Variants in ERGIC1 observed in about 807,000 individuals in gnomAD.
ERGIC1 encodes the protein endoplasmic reticulum-golgi intermediate compartment 1.
ERGIC1 carries 19 observed loss-of-function variants against 38.3 expected under a neutral mutation model. The observed-to-expected ratio is 0.50, with a 90% CI of 0.35 to 0.73. The LOEUF (loss-of-function observed/expected upper bound fraction) is 0.73. Among genes scored for constraint, ERGIC1 ranks in the 30% least tolerant of loss-of-function variants. ERGIC1 has a pLI of 0.01. For synonymous variants in ERGIC1, 124 were observed against 157.6 expected (o/e 0.79, Z 1.60); for missense variants, 294 against 389.2 (o/e 0.76, Z 2.06).
chr5:172,904,146 CTTTCT>C (rs1237798336), intron 3 of ERGIC1, among the ~76,000 whole-genome samples: 2 of 152,010 alleles, frequency 1.3e-5, no homozygotes, highest in African/African-American at 2.4e-5. Flanking sequence ...CCTTCCTTTC[CTTTCT>C]TATTTTCTTA....
chr5:172,914,532 C>T (rs767368544), intron 4 of ERGIC1, 182 bp from the exon 5 acceptor site: 5 of 982,974 alleles, frequency 5.1e-6, no homozygotes, highest in South Asian at 2.8e-5. Flanking sequence ...CCTCGCCTCA[C>T]GTTTAGCGGA....
chr5:172,855,771 G>A (rs1291276111), intron 1 of ERGIC1, among the ~76,000 whole-genome samples: 2 of 152,186 alleles, frequency 1.3e-5, no homozygotes, highest in African/African-American at 4.8e-5. Flanking sequence ...TGAGGAGTGT[G>A]CCCTGTCCTC....
At chr5:172,950,521 C>G (rs530330744) in intron 9 of ERGIC1, among the ~76,000 whole-genome samples, 188 bp from the exon 10 acceptor site, 35 of 152,350 alleles carry the variant, frequency 2.3e-4, no homozygotes, top group African/African-American at 7.9e-4. Flanking sequence ...AATCCACCAT[C>G]CAACAACTGG....
chr5:172,900,198 C>T (rs1290649292), intron 3 of ERGIC1, among the ~76,000 whole-genome samples: 1 of 152,186 alleles, frequency 6.6e-6, no homozygotes, highest in African/African-American at 2.4e-5. Flanking sequence ...GCCCCACCCG[C>T]AGAATGCCCG....
At chr5:172,894,753 C>T (rs1052845088) in intron 2 of ERGIC1, among the ~76,000 whole-genome samples, 6 of 152,232 alleles carry the variant, frequency 3.9e-5, no homozygotes, top group South Asian at 2.1e-4. Context: ...ACATGGGCAC[C>T]GCCCCCCTCA....
intron 1 of ERGIC1, among the ~76,000 whole-genome samples, chr5:172,851,881 T>C (rs538629142): frequency 6.6e-6 from 1 of 152,202 alleles, no homozygotes; most frequent in African/African-American, 2.4e-5. Context: ...TAATGCGTTG[T>C]TAGTAAGCAC....
At position 172,952,303 on chromosome 5, in the gene ERGIC1, A is replaced by C. The variant is rs962197830; in HGVS notation, c.*1487A>C. 5.9e-5 allele frequency: 9 copies of C among 151,938 alleles called. No individual in the cohort carries two copies. Among genetic ancestry groups the C allele is most frequent in the Admixed American group, 1.3e-4 (2 of 15,266 alleles). The allele number at this position is 151,938 out of a possible 1,614,324, so 9.4% of individuals were successfully genotyped here. A position where few individuals can be genotyped will look rare whatever the true frequency, so the allele number is the denominator to read the frequency against. On this transcript the variant is annotated 3_prime_UTR_variant, in exon 10 of 10. Transcript: ENST00000393784. ...CGATTGGAGACGCTTCTCCTTGTGC[A>C]TGTGAGTTGACTGATGTTGTGAGTG...
intron 2 of ERGIC1, among the ~76,000 whole-genome samples, chr5:172,892,398 C>G (rs1246022683): frequency 6.6e-6 from 1 of 152,180 alleles, no homozygotes; most frequent in African/African-American, 2.4e-5. Context: ...CTATTAATAA[C>G]TGAAGGAAAG....
intron 9 of ERGIC1, chr5:172,936,505 G>A (rs769397229): frequency 3.3e-5 from 5 of 152,332 alleles, no homozygotes; most frequent in Admixed American, 2.6e-4. Context: ...GAGGAATGAG[G>A]TTTCTCAAGA....
intron 1 of ERGIC1, among the ~76,000 whole-genome samples, chr5:172,872,255 T>A (rs1762033772): frequency 6.6e-6 from 1 of 152,166 alleles, no homozygotes; most frequent in African/African-American, 2.4e-5. Flanking sequence ...TGAGTCACTG[T>A]CTCTACACAG....
intron 2 of ERGIC1, among the ~76,000 whole-genome samples, chr5:172,890,541 G>C (rs78502587): frequency 0.013 from 1,909 of 152,314 alleles, 45 homozygotes; most frequent in African/African-American, 0.043. Flanking sequence ...GGAACTGTCT[G>C]TACTACCTTT....
Position 172,951,035 on chromosome 5 carries a change from CT to C in ERGIC1, c.*222del, listed in dbSNP as rs1764219245. The C allele has an allele frequency of 2.1e-6, 1 of 480,884 alleles. No individual in the cohort carries two copies. Among genetic ancestry groups the C allele is most frequent in the East Asian group, 3.6e-5 (1 of 27,624 alleles). The allele number at this position is 480,884 out of a possible 1,614,324, so 29.8% of individuals were successfully genotyped here. A position where few individuals can be genotyped will look rare whatever the true frequency, so the allele number is the denominator to read the frequency against. On this transcript the variant is annotated 3_prime_UTR_variant, in exon 10 of 10. Transcript: ENST00000393784. The stretch of plus-strand genomic sequence containing the variant: ...TACACTGCCTGAAGTTGCAGTTCCC[CT>C]TTCCCTGGGGAGCCCCAAGAACAGA...
intron 1 of ERGIC1, among the ~76,000 whole-genome samples, chr5:172,848,973 C>T (rs1434366942): frequency 1.3e-5 from 2 of 152,220 alleles, no homozygotes; most frequent in Admixed American, 1.3e-4. Context: ...CACCACGTGC[C>T]AGCTCCCCTT....
Position 172,834,343 on chromosome 5 carries a change from C to A in ERGIC1, c.-71C>A. On this transcript the variant is annotated 5_prime_UTR_variant, in exon 1 of 10. Transcript: ENST00000393784. The surrounding 1 kb of genome is among the most constrained non-coding windows in gnomAD (Gnocchi z 4.1). The stretch of plus-strand genomic sequence containing the variant: ...GCGGGGCGGCCGGAGGAGGCGTTGG[C>A]AGCGGGCTCGGACCCACGCGGCGCC... The A allele has an allele frequency of 1.5e-5, 18 of 1,205,780 alleles. No individual in the cohort carries two copies. The highest frequency in any genetic ancestry group is 1.8e-5 in the Non-Finnish European group (17 of 971,310). 74.7% of individuals were successfully genotyped at this position (1,205,780 alleles called of 1,614,324 possible).
chr5:172,909,732 A>G lies in ERGIC1; in HGVS notation c.221A>G (p.Asn74Ser). 6.2e-7 allele frequency: 1 copy of G among 1,614,196 alleles called. No individual in the cohort carries two copies. Among genetic ancestry groups the G allele is most frequent in the Non-Finnish European group, 8.5e-7 (1 of 1,180,032 alleles). Residue 74 changes from asparagine to serine, a missense_variant, in exon 4 of 10, where the codon AAC becomes AGC. Asn to Ser is a conservative substitution (Grantham distance 46, BLOSUM62 1). Transcript: ENST00000393784. Reference sequence around the variant, plus strand: ...GGTGGCAAGATCGACGTCAGTCTGAACATCAGTTTACCCAATCTGCACTGC... The same window carrying G: ...GGTGGCAAGATCGACGTCAGTCTGAGCATCAGTTTACCCAATCTGCACTGC... Reference protein sequence around the residue: ...DSGGKIDVSLNISLPNLHCEL... With the variant: ...DSGGKIDVSLSISLPNLHCEL...
intron 1 of ERGIC1, among the ~76,000 whole-genome samples, chr5:172,870,720 G>GGGGAGCA (rs1485542823): frequency 1.3e-5 from 2 of 152,192 alleles, no homozygotes; most frequent in Non-Finnish European, 2.9e-5. Context: ...CAGGGGGAGC[G>GGGGAGCA]GGGAGCAGAG....
At chr5:172,932,632 T>C (rs1233357621) in intron 8 of ERGIC1, 96 bp downstream of exon 8, 4 of 1,277,798 alleles carry the variant, frequency 3.1e-6, no homozygotes, top group African/African-American at 3.0e-5. Context: ...CACTTTCTTC[T>C]GATTCCTTTC....
chr5:172,863,934 G>A (rs1041074676), intron 1 of ERGIC1, among the ~76,000 whole-genome samples: 1 of 152,168 alleles, frequency 6.6e-6, no homozygotes, highest in Non-Finnish European at 1.5e-5. Flanking sequence ...GGTGGCTCAC[G>A]CCTGTAATCC....
intron 1 of ERGIC1, among the ~76,000 whole-genome samples, chr5:172,849,132 G>C (rs1761344121): frequency 6.6e-6 from 1 of 152,192 alleles, no homozygotes; most frequent in Admixed American, 6.5e-5. Context: ...TGAAGACCTG[G>C]CTCAGGGTCA....
Sources: gnomAD v4.1 joint callset for allele counts (sites outside exome capture counted in the v4.1 genomes callset) on GRCh38, gnomAD v4.1.1 for gene constraint, Gnocchi (gnomAD v3.1) non-coding constraint, MANE v1.5 for transcripts, NCBI Gene and HGNC (gene_info 2026-07-23, HGNC 2026-07-21) for gene names.